C11orf65: variants seen among roughly 807,000 people sequenced by gnomAD.
C11orf65 encodes chromosome 11 open reading frame 65.
In C11orf65, 38 loss-of-function variants were observed where a neutral mutation model predicts 35.3. That is an observed-to-expected ratio of 1.08 (90% CI 0.83 to 1.41). The LOEUF (loss-of-function observed/expected upper bound fraction) is 1.41. Ranked by LOEUF, C11orf65 falls within the 40% of genes most tolerant of loss-of-function variation. The pLI is 0.00. For missense variants in C11orf65, 370 were observed against 367.1 expected (o/e 1.01, Z -0.06); for synonymous variants, 105 against 114.4 (o/e 0.92, Z 0.53).
chr11:108,435,214 G>GTA, intron 2 of C11orf65, among the ~76,000 whole-genome samples: 1 of 152,136 alleles, frequency 6.6e-6, no homozygotes, highest in South Asian at 2.1e-4. Context: ...CAGATATAAT[G>GTA]GTCTTAGTTT....
chr11:108,377,262 C>T (rs1591418332), intron 2 of C11orf65, among the ~76,000 whole-genome samples: 1 of 152,110 alleles, frequency 6.6e-6, no homozygotes, highest in East Asian at 1.9e-4. Context: ...TCCAGCAGCA[C>T]ATCAAAAAGC....
chr11:108,359,416 G>A (rs1591350521), intron 2 of C11orf65, among the ~76,000 whole-genome samples: 2 of 152,102 alleles, frequency 1.3e-5, no homozygotes, highest in South Asian at 2.1e-4. Context: ...GGATACCCAG[G>A]AATTGAACTC....
downstream of C11orf65, among the ~76,000 whole-genome samples, chr11:108,380,441 G>C (rs1167616652): frequency 6.6e-6 from 1 of 152,210 alleles, no homozygotes; most frequent in Non-Finnish European, 1.5e-5. Flanking sequence ...CATAACAATT[G>C]ACTTATAAGG....
chr11:108,441,942 C>G (rs2093161104), intron 2 of C11orf65, among the ~76,000 whole-genome samples: 1 of 152,194 alleles, frequency 6.6e-6, no homozygotes, highest in Admixed American at 6.5e-5. Context: ...AGCTCCTTGC[C>G]AGCAACAGAA....
At chr11:108,397,989 G>A (rs1050089545) in intron 6 of C11orf65, among the ~76,000 whole-genome samples, 11 of 152,180 alleles carry the variant, frequency 7.2e-5, no homozygotes, top group Admixed American at 6.5e-5. Context: ...ACCTAATTGT[G>A]TCTAGGTATG....
At chr11:108,341,474 C>T (rs950593763) in intron 2 of C11orf65, among the ~76,000 whole-genome samples, 14 of 152,198 alleles carry the variant, frequency 9.2e-5, no homozygotes, top group African/African-American at 3.4e-4. Flanking sequence ...CTGCCTTTTT[C>T]CCACTCTGTT....
chr11:108,380,769 AC>A (rs559289727), downstream of C11orf65, among the ~76,000 whole-genome samples: 50 of 152,330 alleles, frequency 3.3e-4, no homozygotes, highest in Non-Finnish European at 7.1e-4. Context: ...ATTATATCAG[AC>A]CCATTCTTGT....
At chr11:108,369,270 T>C (rs188219645) in intron 2 of C11orf65, among the ~76,000 whole-genome samples, 231 of 152,296 alleles carry the variant, frequency 1.5e-3, no homozygotes, top group Middle Eastern at 6.8e-3. Flanking sequence ...GGGGAGCCTA[T>C]TGCACAACCA....
intron 6 of C11orf65, among the ~76,000 whole-genome samples, chr11:108,399,824 T>G (rs2092404166): frequency 6.6e-6 from 1 of 152,232 alleles, no homozygotes; most frequent in Non-Finnish European, 1.5e-5. Flanking sequence ...GGTATCTTAT[T>G]GTCAAGCAAC....
intron 3 of C11orf65, among the ~76,000 whole-genome samples, chr11:108,431,455 A>C (rs2092988899): frequency 6.6e-6 from 1 of 152,222 alleles, no homozygotes; most frequent in Non-Finnish European, 1.5e-5. Context: ...ATTATGTTAG[A>C]ATATAAAATA....
chr11:108,456,078 C>T lies in C11orf65; in HGVS notation c.81+5401G>A, dbSNP rs2093408733. ...GCTGAGGCAGGAGAATTGCTTGAAC[C>T]TGGGAGGTGGAGATTTCAGTGAGCT... On this transcript the variant is annotated intron_variant, in intron 2 of 8. Coordinates refer to ENST00000393084, the MANE Select transcript of C11orf65 (RefSeq NM_152587.5). 2.0e-5 allele frequency among the ~76,000 whole-genome samples: 3 copies of T among 152,064 alleles called. No homozygotes were observed. In the South Asian group the frequency reaches 6.2e-4, roughly 32 times the overall value.
intron 3 of C11orf65, among the ~76,000 whole-genome samples, chr11:108,428,666 T>A (rs1265623326): frequency 6.6e-6 from 1 of 151,754 alleles, no homozygotes; most frequent in Admixed American, 6.6e-5. Flanking sequence ...TGTAGAGGCG[T>A]TGGGGGGCTA....
intron 8 of C11orf65, among the ~76,000 whole-genome samples, chr11:108,384,880 T>C (rs2091953683): frequency 6.6e-6 from 1 of 152,346 alleles, no homozygotes; most frequent in East Asian, 1.9e-4. Flanking sequence ...TACACCATCA[T>C]TAGGCTTTGG....
chr11:108,368,346 T>C (rs1384303852), intron 2 of C11orf65: 1 of 210,216 alleles, frequency 4.8e-6, no homozygotes, highest in Non-Finnish European at 9.6e-6. Flanking sequence ...ATGACTAAGA[T>C]AGAAAACTGC....
At chr11:108,425,917 T>C (rs2092895768) in intron 3 of C11orf65, among the ~76,000 whole-genome samples, 1 of 152,210 alleles carries the variant, frequency 6.6e-6, no homozygotes, top group South Asian at 2.1e-4. Context: ...TCTCAATAGA[T>C]GCAGAAAAGG....
intron 2 of C11orf65, among the ~76,000 whole-genome samples, chr11:108,451,287 C>T (rs1005923481): frequency 1.3e-5 from 2 of 151,962 alleles, no homozygotes; most frequent in African/African-American, 4.8e-5. Context: ...TCTCCTTAAG[C>T]TGATAAGCAA....
intron 6 of C11orf65, among the ~76,000 whole-genome samples, chr11:108,313,483 C>T (rs1241930892): frequency 1.3e-5 from 2 of 152,156 alleles, no homozygotes; most frequent in African/African-American, 2.4e-5. Flanking sequence ...GTTGCTAAGT[C>T]TGGTGGTCAC....
At chr11:108,442,879 G>A (rs946640590) in intron 2 of C11orf65, among the ~76,000 whole-genome samples, 3 of 152,014 alleles carry the variant, frequency 2.0e-5, no homozygotes, top group African/African-American at 7.2e-5. Flanking sequence ...ACATTGTAAA[G>A]ACCATCGATG....
intron 6 of C11orf65, among the ~76,000 whole-genome samples, chr11:108,400,902 C>CA (rs1030261873): frequency 6.6e-6 from 1 of 151,988 alleles, no homozygotes; most frequent in Non-Finnish European, 1.5e-5. Context: ...GTCAGGAGTT[C>CA]AAGACCAGCC....
Sources: allele counts gnomAD v4.1 joint callset (sites outside exome capture counted in the v4.1 genomes callset), GRCh38; gene constraint gnomAD v4.1.1; transcripts MANE v1.5; gene names NCBI Gene and HGNC (gene_info 2026-07-23, HGNC 2026-07-21).